Variants in PRKCB observed in about 807,000 individuals in gnomAD.
The protein encoded by PRKCB is protein kinase C beta, also known as protein kinase C beta type.
PRKCB carries 13 observed loss-of-function variants against 81.5 expected under a neutral mutation model. That is an observed-to-expected ratio of 0.16 (90% CI 0.10 to 0.25). The LOEUF (loss-of-function observed/expected upper bound fraction) is 0.25, where lower values mean the gene tolerates loss of function less well. Among genes scored for constraint, PRKCB ranks in the 10% least tolerant of loss-of-function variants. PRKCB has a pLI of 1.00. For missense variants in PRKCB, 509 were observed against 875.7 expected, an observed-to-expected ratio of 0.58 and a Z score of 5.29; for synonymous variants, 335 against 321.4, an observed-to-expected ratio of 1.04 and a Z score of -0.45.
At chr16:24,176,362 A>G (rs755307402) in intron 12 of PRKCB, among the ~76,000 whole-genome samples, 2 of 152,088 alleles carry the variant, frequency 1.3e-5, no homozygotes, top group Non-Finnish European at 2.9e-5. Context: ...GCAGTGAGCT[A>G]TGATTGTGCC....
intron 5 of PRKCB, among the ~76,000 whole-genome samples, chr16:24,082,546 A>G (rs1001586465): frequency 6.6e-5 from 10 of 152,230 alleles, no homozygotes; most frequent in Non-Finnish European, 1.3e-4. Flanking sequence ...GAATCCAGAA[A>G]TAGACCCACA....
At chr16:23,907,758 C>G (rs66923906) in intron 2 of PRKCB, among the ~76,000 whole-genome samples, 1 of 151,976 alleles carries the variant, frequency 6.6e-6, no homozygotes, top group South Asian at 2.1e-4. Flanking sequence ...CGGTCGACTC[C>G]GGGAGGAACA....
chr16:23,983,462 A>G (rs1047444894), intron 2 of PRKCB, among the ~76,000 whole-genome samples: 30 of 152,170 alleles, frequency 2.0e-4, no homozygotes, highest in African/African-American at 7.2e-4. Context: ...GACCTTGTCA[A>G]TGGTTGGATT....
chr16:23,969,551 A>G (rs1415239492), intron 2 of PRKCB, among the ~76,000 whole-genome samples: 1 of 152,202 alleles, frequency 6.6e-6, no homozygotes, highest in East Asian at 1.9e-4. Flanking sequence ...GGATGTTAGT[A>G]GTTTCTACCT....
chr16:24,212,994 C>G (rs1328608194), intron 16 of PRKCB, among the ~76,000 whole-genome samples: 1 of 151,268 alleles, frequency 6.6e-6, no homozygotes, highest in Non-Finnish European at 1.5e-5. Context: ...ACCAGGCTGC[C>G]ACCGTACTTG....
intron 2 of PRKCB, among the ~76,000 whole-genome samples, chr16:23,931,121 G>T (rs181601469): frequency 6.6e-6 from 1 of 152,330 alleles, no homozygotes; most frequent in Admixed American, 6.5e-5. Context: ...ATTGTTAGGG[G>T]TCAGTGAAGA....
intron 5 of PRKCB, among the ~76,000 whole-genome samples, chr16:24,078,057 G>A (rs1596539026): frequency 6.6e-6 from 1 of 152,200 alleles, no homozygotes; most frequent in African/African-American, 2.4e-5. Context: ...GGGGCTTCTG[G>A]CCCTATGCTG....
chr16:24,106,701 T>C (rs1290934729), intron 7 of PRKCB, among the ~76,000 whole-genome samples: 1 of 152,212 alleles, frequency 6.6e-6, no homozygotes, highest in Non-Finnish European at 1.5e-5. Context: ...CTTTTCAGTT[T>C]ATTAACATTA....
At position 24,172,468 on chromosome 16, in the gene PRKCB, ATCTTTTTG is replaced by A; in HGVS notation, c.1331+108_1331+115del. 4 of 833,476 alleles carry A rather than the reference ATCTTTTTG, an allele frequency of 4.8e-6. No individual in the cohort carries two copies. The Admixed American group carries it at 7.6e-5, about 16-fold the overall frequency. The allele number at this position is 833,476 out of a possible 1,614,324, so 51.6% of individuals were successfully genotyped here. ...AGAGGGATCTTTAAACACCTCGGGC[ATCTTTTTG>A]AAAAAATATTTAGCCAGGGAAGAAA... On this transcript the variant is annotated intron_variant, in intron 11 of 16. Coordinates refer to ENST00000643927, the MANE Select transcript of PRKCB (RefSeq NM_002738.7).
intron 8 of PRKCB, among the ~76,000 whole-genome samples, chr16:24,117,167 G>A (rs1190765834): frequency 1.3e-5 from 2 of 150,974 alleles, no homozygotes; most frequent in East Asian, 1.9e-4. Flanking sequence ...ATCCCTGGGC[G>A]ATAACCAATT....
intron 2 of PRKCB, among the ~76,000 whole-genome samples, chr16:23,929,716 A>G (rs1475632873): frequency 6.6e-6 from 1 of 152,144 alleles, no homozygotes; most frequent in Admixed American, 6.5e-5. Context: ...CTTGGGCAAG[A>G]AATGAATTGC....
intron 5 of PRKCB, among the ~76,000 whole-genome samples, chr16:24,074,773 G>C (rs527838796): frequency 6.6e-6 from 1 of 152,226 alleles, no homozygotes; most frequent in African/African-American, 2.4e-5. Flanking sequence ...CTGATGCAAC[G>C]GTCTAAGCTG....
intron 5 of PRKCB, among the ~76,000 whole-genome samples, chr16:24,078,526 TG>T (rs1431678380): frequency 2.6e-5 from 4 of 152,142 alleles, no homozygotes; most frequent in Admixed American, 2.0e-4. Flanking sequence ...CAGATGTTTA[TG>T]GGGGGCAGGT....
chr16:24,180,964 A>T (rs776684771), intron 13 of PRKCB, 36 bp downstream of exon 13: 1 of 1,608,160 alleles, frequency 6.2e-7, no homozygotes. Context: ...CATTGCGGTG[A>T]TGTACCCTCT....
At chr16:24,204,485 C>T (rs182954517) in intron 16 of PRKCB, among the ~76,000 whole-genome samples, 4 of 152,146 alleles carry the variant, frequency 2.6e-5, no homozygotes, top group Admixed American at 2.6e-4. Context: ...TATCTCACAG[C>T]CTTGTGGGAA....
Position 24,154,696 on chromosome 16 carries a change from G to C in PRKCB, c.1078G>C (p.Glu360Gln). ...CTCTCTTTCCCAGGTCATGCTTTCA[G>C]AACGAAAAGGCACAGATGAGCTCTA... ...KGSFGKVMLS[E>Q]RKGTDELYAV... Residue 360 changes from glutamate to glutamine, a missense_variant, in exon 10 of 17, where the codon GAA becomes CAA. Around this residue, in one of 6 missense-constraint regions of PRKCB, gnomAD observed 80 missense variants for 89.4 expected, o/e 0.90. Transcript: ENST00000643927. 3 of 1,614,096 alleles carry C rather than the reference G, an allele frequency of 1.9e-6. No homozygotes were observed. The highest frequency in any genetic ancestry group is 2.5e-6 in the Non-Finnish European group (3 of 1,179,954).
At chr16:24,043,110 C>A (rs570040612) in intron 5 of PRKCB, among the ~76,000 whole-genome samples, 8 of 152,276 alleles carry the variant, frequency 5.3e-5, no homozygotes, top group African/African-American at 1.7e-4. Context: ...CAAATTAATT[C>A]TCTTTTTTGA....
chr16:24,185,734 G>A (rs188135032), intron 15 of PRKCB, among the ~76,000 whole-genome samples, 167 bp downstream of exon 15: 1 of 152,216 alleles, frequency 6.6e-6, no homozygotes, highest in African/African-American at 2.4e-5. Flanking sequence ...CCGGAGGAGA[G>A]AGAGCTTTTT....
At chr16:23,849,469 G>A (rs1034315933) in intron 2 of PRKCB, among the ~76,000 whole-genome samples, 27 of 152,158 alleles carry the variant, frequency 1.8e-4, no homozygotes, top group African/African-American at 6.5e-4. Flanking sequence ...AGTGAGTGCT[G>A]CAAATGAAGA....
Sources: allele counts gnomAD v4.1 joint callset (sites outside exome capture counted in the v4.1 genomes callset), GRCh38; gene constraint gnomAD v4.1.1; regional missense constraint gnomAD v4.1.1; transcripts MANE v1.5; gene names NCBI Gene and HGNC (gene_info 2026-07-23, HGNC 2026-07-21).